Variants in DSCC1 observed in about 807,000 individuals in gnomAD.
DSCC1 encodes the protein DNA replication and sister chromatid cohesion 1, also known as sister chromatid cohesion protein DCC1.
DSCC1 carries 32 observed loss-of-function variants against 48.2 expected under a neutral mutation model. The observed-to-expected ratio is 0.66, with a 90% CI of 0.50 to 0.89. DSCC1 has a LOEUF of 0.89. Among genes scored for constraint, DSCC1 ranks in the 40% least tolerant of loss-of-function variants. DSCC1 has a pLI of 0.00. For missense variants in DSCC1, 421 were observed against 471.7 expected, an observed-to-expected ratio of 0.89 and a Z score of 1.00; for synonymous variants, 150 against 171.5, an observed-to-expected ratio of 0.87 and a Z score of 0.98.
intron 3 of DSCC1, among the ~76,000 whole-genome samples, chr8:119,849,184 CA>C (rs550853227): frequency 0.081 from 2,374 of 29,432 alleles, 73 homozygotes; most frequent in African/African-American, 0.2. Flanking sequence ...GACTCCCTCT[CA>C]AAAAAAAAAA....
At chr8:119,851,185 T>G (rs1256191308) in intron 2 of DSCC1, among the ~76,000 whole-genome samples, 1 of 152,140 alleles carries the variant, frequency 6.6e-6, no homozygotes, top group Non-Finnish European at 1.5e-5. Context: ...CCAACAAGTG[T>G]TTCATAAAAG....
chr8:119,844,816 T>A (rs1826831275), intron 4 of DSCC1, among the ~76,000 whole-genome samples: 1 of 152,188 alleles, frequency 6.6e-6, no homozygotes, highest in Non-Finnish European at 1.5e-5. Context: ...TAGAATGTCA[T>A]ACAAATGAGG....
intron 3 of DSCC1, among the ~76,000 whole-genome samples, chr8:119,849,930 G>T (rs1307963625): frequency 1.3e-5 from 2 of 151,968 alleles, no homozygotes; most frequent in East Asian, 1.9e-4. Flanking sequence ...ATACTTTCAG[G>T]AATTAGTTAA....
At chr8:119,836,772 G>A (rs1826690652) in intron 8 of DSCC1, among the ~76,000 whole-genome samples, 2 of 150,598 alleles carry the variant, frequency 1.3e-5, no homozygotes, top group Admixed American at 6.7e-5. Context: ...CCTAGATGAG[G>A]GCACCAAAGG....
chr8:119,839,241 TATA>T (rs147216866), intron 7 of DSCC1: 1,628 of 152,362 alleles, frequency 0.011, 29 homozygotes, highest in African/African-American at 0.037. Context: ...TGCTAATGAC[TATA>T]ATACTTATAT....
intron 3 of DSCC1, 124 bp downstream of exon 3, chr8:119,850,258 C>G (rs942651260): frequency 2.3e-4 from 234 of 1,019,884 alleles, no homozygotes; most frequent in Middle Eastern, 3.4e-4. Context: ...AATTTTATAA[C>G]TTTTTTAACA....
chr8:119,836,731 GA>G (rs1826690369), intron 8 of DSCC1, among the ~76,000 whole-genome samples: 1 of 152,008 alleles, frequency 6.6e-6, no homozygotes, highest in South Asian at 2.1e-4. Context: ...TATGAAGATG[GA>G]ATTAGGAAGT....
chr8:119,847,912 G>A (rs1370680906), intron 3 of DSCC1, among the ~76,000 whole-genome samples: 6 of 151,918 alleles, frequency 3.9e-5, no homozygotes, highest in Admixed American at 2.0e-4. Context: ...TGATCTGCCC[G>A]CCTTGGTCCC....
rs1296487119 is a variant in DSCC1 at position 119,834,949 on chromosome 8, G to A, written c.1126C>T (p.His376Tyr). Residue 376 changes from histidine to tyrosine, a missense_variant, in exon 9 of 9, where the codon CAT becomes TAT. Physicochemically the swap from His to Tyr is moderately conservative, Grantham distance 83. Around this residue, in one of 3 missense-constraint regions of DSCC1, gnomAD observed 238 missense variants for 259.0 expected, o/e 0.92. Coordinates refer to ENST00000313655, the MANE Select transcript of DSCC1 (RefSeq NM_024094.3). Reference sequence around the variant, plus strand: ...TTAACACCATTTTGCATCGAAGAATGAGAATATTTAGTGAGTAATGCACCT... The same window carrying A: ...TTAACACCATTTTGCATCGAAGAATAAGAATATTTAGTGAGTAATGCACCT... ...TIGALLTKYS[H>Y]SSMQNGVKVY... 2.5e-6 allele frequency: 4 copies of A among 1,610,448 alleles called. No individual in the cohort carries two copies. The highest frequency in any genetic ancestry group is 2.2e-5 in the South Asian group (2 of 90,314).
At chr8:119,843,887 C>T in intron 4 of DSCC1, 140 bp from the exon 5 acceptor site, 1 of 790,564 alleles carries the variant, frequency 1.3e-6, no homozygotes, top group Non-Finnish European at 2.0e-6. Flanking sequence ...AGCAATTCTG[C>T]CATCTCAGTC....
intron 3 of DSCC1, among the ~76,000 whole-genome samples, chr8:119,849,184 C>CAA (rs550853227): frequency 3.4e-5 from 1 of 29,504 alleles, no homozygotes; most frequent in Non-Finnish European, 6.3e-5. Flanking sequence ...GACTCCCTCT[C>CAA]AAAAAAAAAA....
chr8:119,848,536 T>C (rs1222364393), intron 3 of DSCC1, among the ~76,000 whole-genome samples: 2 of 152,184 alleles, frequency 1.3e-5, no homozygotes, highest in East Asian at 1.9e-4. Flanking sequence ...TGGAAAATAG[T>C]GCAGCCACTC....
At chr8:119,837,972 T>A (rs1826710718) in intron 8 of DSCC1, among the ~76,000 whole-genome samples, 1 of 152,014 alleles carries the variant, frequency 6.6e-6, no homozygotes, top group African/African-American at 2.4e-5. Flanking sequence ...TGCCTTAGAG[T>A]CATAGTAGGG....
At position 119,843,595 on chromosome 8, in the gene DSCC1, A is replaced by G; in HGVS notation, c.716+14T>C. The G allele has an allele frequency of 6.3e-7, 1 of 1,597,580 alleles. No individual in the cohort carries two copies. Among genetic ancestry groups the G allele is most frequent in the Non-Finnish European group, 8.5e-7 (1 of 1,176,082 alleles). ...TTAAGGAAATCTGGATAGACAAGAA[A>G]TTAAAATACTTACTCTGGCTCCAAT... is the stretch of plus-strand genomic sequence containing the variant. On this transcript the variant is annotated intron_variant, in intron 5 of 8. Transcript: ENST00000313655.
At chr8:119,835,431 C>T (rs535867046) in intron 8 of DSCC1, among the ~76,000 whole-genome samples, 8 of 151,828 alleles carry the variant, frequency 5.3e-5, no homozygotes, top group East Asian at 1.9e-4. Context: ...TGCTTGAACC[C>T]GGGAGGCAGA....
In DSCC1 at chr8:119,842,080, TC is replaced by T; in HGVS notation, c.770-133del. ...AACTCACTTCCGACAACCCCATAGT[TC>T]GTTTTTTTTTGAGACAGAGTCTCGC... On this transcript the variant is annotated intron_variant, in intron 6 of 8. Transcript: ENST00000313655. The T allele has an allele frequency of 2.9e-6, 3 of 1,034,318 alleles. No individual in the cohort carries two copies. In the Admixed American group the frequency reaches 8.5e-5, roughly 29 times the overall value. 64.1% of individuals were successfully genotyped at this position (1,034,318 alleles called of 1,614,324 possible).
intron 4 of DSCC1, among the ~76,000 whole-genome samples, chr8:119,845,794 CA>C (rs1330057579): frequency 1.3e-5 from 2 of 152,012 alleles, no homozygotes; most frequent in African/African-American, 4.8e-5. Flanking sequence ...ACCAAAAACA[CA>C]AAAATTAGCT....
chr8:119,844,453 AG>A (rs1262895300), intron 4 of DSCC1, among the ~76,000 whole-genome samples: 1 of 151,350 alleles, frequency 6.6e-6, no homozygotes, highest in African/African-American at 2.4e-5. Context: ...AAAAAAAAAA[AG>A]TCTTCACTTT....
intron 2 of DSCC1, among the ~76,000 whole-genome samples, chr8:119,851,665 G>A (rs79861148): frequency 0.046 from 7,008 of 152,122 alleles, 269 homozygotes; most frequent in South Asian, 0.13. Flanking sequence ...AGTAGTGGCC[G>A]TCCACCTACT....
Sources: allele counts gnomAD v4.1 joint callset (sites outside exome capture counted in the v4.1 genomes callset), GRCh38; gene constraint gnomAD v4.1.1; regional missense constraint gnomAD v4.1.1; transcripts MANE v1.5; gene names NCBI Gene and HGNC (gene_info 2026-07-23, HGNC 2026-07-21).